Variants in EYS observed in about 807,000 individuals in gnomAD.
The protein encoded by EYS is protein eyes shut homolog.
Under a neutral mutation model 282.1 loss-of-function variants are expected in EYS, and 250 were observed. The ratio of observed to expected loss-of-function variants is 0.89; its 90% CI spans 0.80 to 0.98. The LOEUF is 0.98. Ranked by LOEUF, EYS falls within the 50% of genes least tolerant of loss-of-function variation. The probability of loss-of-function intolerance (pLI) is 0.00; values close to 1 mark genes in which losing one functional copy is unlikely to be tolerated. For synonymous variants in EYS, 1,355 were observed against 1,282.9 expected (o/e 1.06, Z -1.20); for missense variants, 4,016 against 3,709.0 (o/e 1.08, Z -2.15).
Position 63,788,212 on chromosome 6 carries a change from C to A in EYS, c.7616G>T (p.Gly2539Val). 6.5e-7 allele frequency: 1 copy of A among 1,543,998 alleles called. No individual in the cohort carries two copies. Among genetic ancestry groups the A allele is most frequent in the Non-Finnish European group, 8.7e-7 (1 of 1,144,826 alleles). ...GAAGACATTGAGACCAACCAGTCTT[C>A]CTGGGGCGATAATGGATTTATTTTT... ...DHKNKSIIAP[G>V]RLVGLNVFSQ... is the part of the protein sequence containing the mutation. The change falls in exon 39 of 43, where the codon GGA (glycine) becomes GTA (valine). Residue 2539 changes from glycine to valine, a missense_variant. Gly to Val is a moderately radical substitution (Grantham distance 109). Coordinates refer to ENST00000503581, the MANE Select transcript of EYS (RefSeq NM_001142800.2).
chr6:65,441,584 T>G (rs1768330634), intron 5 of EYS, among the ~76,000 whole-genome samples: 1 of 151,262 alleles, frequency 6.6e-6, no homozygotes, highest in Admixed American at 6.6e-5. Flanking sequence ...TCAAAAAGAT[T>G]ATGTTAATAT....
chr6:64,566,848 G>A (rs587592), intron 26 of EYS, among the ~76,000 whole-genome samples: 115,573 of 152,054 alleles, frequency 0.76, 44,697 homozygotes, highest in African/African-American at 0.92. Flanking sequence ...ATTTTGGCTC[G>A]CTGAAACCTC....
chr6:63,890,076 T>C (rs1773369314), intron 35 of EYS, among the ~76,000 whole-genome samples: 1 of 152,220 alleles, frequency 6.6e-6, no homozygotes, highest in South Asian at 2.1e-4. Context: ...ATCCTAAATA[T>C]ATATGCACCC....
Position 64,394,737 on chromosome 6 carries a change from T to C in EYS, c.5928-5897A>G, listed in dbSNP as rs533482656. ...TAGGCATGGGCAAGGACTTCATGTC[T>C]AAAACACCAAAAGCAATGGCAACAA... On this transcript the variant is annotated intron_variant, in intron 28 of 42. Transcript: ENST00000503581. Among the ~76,000 whole-genome samples, 1,295 of 151,992 alleles carry C rather than the reference T, an allele frequency of 8.5e-3. 23 individuals are homozygous for C. The highest frequency in any genetic ancestry group is 0.029 in the African/African-American group (1,187 of 41,408).
chr6:64,507,822 T>C (rs1037139443), intron 26 of EYS, among the ~76,000 whole-genome samples: 9 of 152,330 alleles, frequency 5.9e-5, no homozygotes, highest in African/African-American at 2.2e-4. Context: ...CAATAAGCTC[T>C]CTTTGTTTAG....
chr6:64,333,953 C>T (rs113091697), intron 29 of EYS, among the ~76,000 whole-genome samples: 2,019 of 152,184 alleles, frequency 0.013, 44 homozygotes, highest in African/African-American at 0.046. Context: ...TTACCTTGCC[C>T]GAATTTGCTA....
chr6:63,837,531 CCTT>C (rs1269521784), intron 36 of EYS, among the ~76,000 whole-genome samples: 15 of 152,156 alleles, frequency 9.9e-5, no homozygotes, highest in African/African-American at 3.6e-4. Context: ...GGTACTCTAA[CCTT>C]CTAATTAGGC....
intron 30 of EYS, among the ~76,000 whole-genome samples, chr6:64,291,767 A>G (rs1263305129): frequency 6.6e-6 from 1 of 152,130 alleles, no homozygotes; most frequent in Non-Finnish European, 1.5e-5. Flanking sequence ...TTTTACTGGA[A>G]TAAAAATAAA....
intron 13 of EYS, among the ~76,000 whole-genome samples, chr6:65,012,810 C>CAAAAAAAA (rs3033918): frequency 8.5e-6 from 1 of 117,668 alleles, no homozygotes; most frequent in African/African-American, 3.0e-5. Context: ...CCAAGTACAG[C>CAAAAAAAA]AAAAAAAAAA....
At chr6:65,595,920 A>G (rs1765388632) in intron 2 of EYS, among the ~76,000 whole-genome samples, 2 of 152,250 alleles carry the variant, frequency 1.3e-5, no homozygotes, top group East Asian at 1.9e-4. Flanking sequence ...AAAAGAAAGT[A>G]TCTTCAGCCT....
At chr6:64,557,205 C>A (rs914779572) in intron 26 of EYS, among the ~76,000 whole-genome samples, 2 of 93,874 alleles carry the variant, frequency 2.1e-5, no homozygotes, top group South Asian at 4.3e-4. Context: ...CACACAGATA[C>A]ACACACACAC....
At chr6:64,081,361 A>G (rs1206113358) in intron 32 of EYS, among the ~76,000 whole-genome samples, 1 of 152,192 alleles carries the variant, frequency 6.6e-6, no homozygotes, top group African/African-American at 2.4e-5. Flanking sequence ...AGAACTCTGG[A>G]TGTAAAGACA....
chr6:64,000,262 G>C (rs1424540281), intron 33 of EYS, among the ~76,000 whole-genome samples: 2 of 136,030 alleles, frequency 1.5e-5, no homozygotes, highest in East Asian at 4.6e-4. Context: ...CGCGATCTCG[G>C]CTCACGGCAA....
intron 19 of EYS, among the ~76,000 whole-genome samples, chr6:64,853,918 C>T (rs900426795): frequency 1.3e-5 from 2 of 151,896 alleles, no homozygotes; most frequent in African/African-American, 4.8e-5. Flanking sequence ...AAACAAACAA[C>T]CCCATCAAAA....
chr6:65,331,712 A>G, intron 11 of EYS: 1 of 981,748 alleles, frequency 1.0e-6, no homozygotes. Flanking sequence ...AAGCTTCTGA[A>G]AATCATTGTT....
rs150423713 is a variant in EYS, at chr6:64,029,589, C to T, written c.6726-30406G>A. ...GGAACCAATCGAGCATGACTGCCAA[C>T]AAATTATAGTCCAGACTTATGCTGC... On this transcript the variant is annotated intron_variant, in intron 33 of 42. Transcript: ENST00000503581. 7.6e-3 allele frequency among the ~76,000 whole-genome samples: 1,155 copies of T among 152,324 alleles called. 14 individuals are homozygous for T. The highest frequency in any genetic ancestry group is 0.026 in the African/African-American group (1,071 of 41,568).
chr6:64,327,385 G>GAA (rs1770467581), intron 29 of EYS, among the ~76,000 whole-genome samples: 1 of 152,140 alleles, frequency 6.6e-6, no homozygotes, highest in Non-Finnish European at 1.5e-5. Flanking sequence ...GGTGCATGCT[G>GAA]AAAAATTTTA....
chr6:65,584,195 T>C (rs1231633809), intron 2 of EYS, among the ~76,000 whole-genome samples: 2 of 151,982 alleles, frequency 1.3e-5, no homozygotes, highest in African/African-American at 4.8e-5. Context: ...ACCTGGAAAA[T>C]AGGTAGGTTG....
At chr6:65,353,298 A>C (rs940338476) in intron 9 of EYS, among the ~76,000 whole-genome samples, 160 bp downstream of exon 9, 2 of 152,040 alleles carry the variant, frequency 1.3e-5, no homozygotes, top group Non-Finnish European at 2.9e-5. Flanking sequence ...TAAACACGTC[A>C]GTTAAAGGAA....
Sources: allele counts gnomAD v4.1 joint callset (sites outside exome capture counted in the v4.1 genomes callset), GRCh38; gene constraint gnomAD v4.1.1; transcripts MANE v1.5; gene names NCBI Gene and HGNC (gene_info 2026-07-23, HGNC 2026-07-21).